The following ZMIZ1 variants were observed in gnomAD, a reference collection of about 807,000 sequenced individuals.
ZMIZ1 encodes the protein zinc finger MIZ domain-containing protein 1.
A neutral mutation model predicts 113.9 loss-of-function variants in ZMIZ1; 17 were observed. That is an observed-to-expected ratio of 0.15 (90% CI 0.10 to 0.22). ZMIZ1 has a LOEUF of 0.22. ZMIZ1 is among the 10% of genes least tolerant of loss of function. ZMIZ1 has a pLI of 1.00. For synonymous variants in ZMIZ1, 607 were observed against 603.1 expected (o/e 1.01, Z -0.09); for missense variants, 1,059 against 1,477.8 (o/e 0.72, Z 4.65).
Position 79,313,566 on chromosome 10 carries a change from C to A in ZMIZ1, c.*817C>A. ...GGAACAGAGAGAGCAGGTGTACACC[C>A]AACCAAAGTGATTGTGCCCTTGGTT... On this transcript the variant is annotated 3_prime_UTR_variant, in exon 25 of 25. Coordinates refer to ENST00000334512, the MANE Select transcript of ZMIZ1 (RefSeq NM_020338.4). 1 of 204,700 alleles carries A rather than the reference C, an allele frequency of 4.9e-6. No homozygotes were observed. Among genetic ancestry groups the A allele is most frequent in the South Asian group, 8.4e-5 (1 of 11,878 alleles). The allele number at this position is 204,700 out of a possible 1,614,324, so 12.7% of individuals were successfully genotyped here. A position where few individuals can be genotyped will look rare whatever the true frequency, so the allele number is the denominator to read the frequency against.
At chr10:79,227,092 A>C (rs531317385) in intron 7 of ZMIZ1, among the ~76,000 whole-genome samples, 18 of 152,254 alleles carry the variant, frequency 1.2e-4, no homozygotes, top group Non-Finnish European at 1.2e-4. Context: ...AAAAAGAGCC[A>C]AAATTGTGAT....
rs916144621 is a variant in ZMIZ1, at chr10:79,314,200, C to A, written c.*1451C>A. 4.4e-6 allele frequency: 2 copies of A among 457,006 alleles called. No individual in the cohort carries two copies. Among genetic ancestry groups the A allele is most frequent in the African/African-American group, 4.0e-5 (2 of 50,098 alleles). The allele number at this position is 457,006 out of a possible 1,614,324, so 28.3% of individuals were successfully genotyped here. A position where few individuals can be genotyped will look rare whatever the true frequency, so the allele number is the denominator to read the frequency against. ...CTCCAGGGCCTCCTGGGGAGCCTGT[C>A]CTGTGTTCACTTTGTTTCAGGCTGG... On this transcript the variant is annotated 3_prime_UTR_variant, in exon 25 of 25. Coordinates refer to ENST00000334512, the MANE Select transcript of ZMIZ1 (RefSeq NM_020338.4).
At position 79,127,458 on chromosome 10, in the gene ZMIZ1, A is replaced by T. The variant is rs558984905; in HGVS notation, c.-227+8434A>T. Among the ~76,000 whole-genome samples, 327 of 151,578 alleles carry T rather than the reference A, an allele frequency of 2.2e-3. 3 individuals carry two copies. The highest frequency in any genetic ancestry group is 7.6e-3 in the African/African-American group (314 of 41,356). On this transcript the variant is annotated intron_variant, in intron 2 of 24. Coordinates refer to ENST00000334512, the MANE Select transcript of ZMIZ1 (RefSeq NM_020338.4). ...GCCCAGGTTCCTGCTCGGGAAGCCC[A>T]TTCTTTTCTGGAATAATAAAGCAGC...
At chr10:79,264,910 C>A (rs979986190) in intron 7 of ZMIZ1, among the ~76,000 whole-genome samples, 1 of 152,146 alleles carries the variant, frequency 6.6e-6, no homozygotes, top group Non-Finnish European at 1.5e-5. Context: ...CTTTGATGGC[C>A]CCTGAGTTAG....
chr10:79,111,189 G>A (rs1481664176), intron 1 of ZMIZ1, among the ~76,000 whole-genome samples: 1 of 152,168 alleles, frequency 6.6e-6, no homozygotes, highest in African/African-American at 2.4e-5. Context: ...ATCCTAGCAG[G>A]GGCTTTACTG....
At chr10:79,124,114 G>C (rs1426816849) in intron 2 of ZMIZ1, among the ~76,000 whole-genome samples, 1 of 152,220 alleles carries the variant, frequency 6.6e-6, no homozygotes, top group Non-Finnish European at 1.5e-5. Context: ...AGGTCAGGAG[G>C]GTGGGACTGC....
At chr10:79,096,933 G>A (rs953567650) in intron 1 of ZMIZ1, among the ~76,000 whole-genome samples, 3 of 152,224 alleles carry the variant, frequency 2.0e-5, no homozygotes, top group Non-Finnish European at 4.4e-5. Flanking sequence ...AGGCCTTTCT[G>A]AGGAGGGCCG....
chr10:79,122,158 C>T (rs1345030101), intron 2 of ZMIZ1, among the ~76,000 whole-genome samples: 1 of 152,056 alleles, frequency 6.6e-6, no homozygotes, highest in Non-Finnish European at 1.5e-5. Flanking sequence ...CACGTGCAGG[C>T]GCCACCAGTT....
At chr10:79,280,483 C>T (rs139676920) in intron 8 of ZMIZ1, among the ~76,000 whole-genome samples, 28 of 152,078 alleles carry the variant, frequency 1.8e-4, no homozygotes, top group African/African-American at 6.8e-4. Context: ...CTATGTTGCC[C>T]AGGCTGGTTT....
At chr10:79,099,008 T>C (rs1315428851) in intron 1 of ZMIZ1, among the ~76,000 whole-genome samples, 1 of 152,130 alleles carries the variant, frequency 6.6e-6, no homozygotes, top group Non-Finnish European at 1.5e-5. Context: ...ATGGGAACCA[T>C]GTTGGCGGCA....
chr10:79,266,675 G>A (rs770357864), intron 7 of ZMIZ1, among the ~76,000 whole-genome samples: 2 of 152,168 alleles, frequency 1.3e-5, no homozygotes, highest in Non-Finnish European at 2.9e-5. Context: ...CCCCCGGTCC[G>A]AGGACTGTGA....
At position 79,122,162 on chromosome 10, in the gene ZMIZ1, A is replaced by G. The variant is rs115863431; in HGVS notation, c.-227+3138A>G. Among the ~76,000 whole-genome samples, 1,483 of 152,164 alleles carry G rather than the reference A, an allele frequency of 9.7e-3. 16 individuals carry two copies. The highest frequency in any genetic ancestry group is 0.034 in the African/African-American group (1,394 of 41,490). ...AGAACTGAGTTCACGTGCAGGCGCC[A>G]CCAGTTACTTACCAGGCCCACGACC... On this transcript the variant is annotated intron_variant, in intron 2 of 24. Transcript: ENST00000334512.
At chr10:79,111,160 T>G (rs1843723252) in intron 1 of ZMIZ1, among the ~76,000 whole-genome samples, 1 of 152,052 alleles carries the variant, frequency 6.6e-6, no homozygotes, top group Non-Finnish European at 1.5e-5. Context: ...TAGGGTCCAG[T>G]AGAGGATGCA....
At chr10:79,157,483 G>C (rs1185118561) in intron 3 of ZMIZ1, among the ~76,000 whole-genome samples, 1 of 152,046 alleles carries the variant, frequency 6.6e-6, no homozygotes, top group Non-Finnish European at 1.5e-5. Context: ...GAACCCTGGG[G>C]CAGTGTGACC....
intron 23 of ZMIZ1, among the ~76,000 whole-genome samples, chr10:79,310,159 C>A (rs1426400327): frequency 6.6e-6 from 1 of 152,204 alleles, no homozygotes; most frequent in Non-Finnish European, 1.5e-5. Flanking sequence ...CACTCAGTCT[C>A]CTTGTCCTTG....
chr10:79,314,431 C>T lies in ZMIZ1; in HGVS notation c.*1682C>T, dbSNP rs1174777913. ...GTTGACTTCCAGTCACTGTCCCAGA[C>T]GGCACAAGGTTTTCTGTAGGAAAGC... On this transcript the variant is annotated 3_prime_UTR_variant, in exon 25 of 25. Coordinates refer to ENST00000334512, the MANE Select transcript of ZMIZ1 (RefSeq NM_020338.4). 2.8e-5 allele frequency: 10 copies of T among 356,778 alleles called. No individual in the cohort carries two copies. Among genetic ancestry groups the T allele is most frequent in the East Asian group, 7.3e-5 (1 of 13,630 alleles). The allele number at this position is 356,778 out of a possible 1,614,324, so 22.1% of individuals were successfully genotyped here. A position where few individuals can be genotyped will look rare whatever the true frequency, so the allele number is the denominator to read the frequency against.
chr10:79,112,928 G>A (rs770233393), intron 1 of ZMIZ1, among the ~76,000 whole-genome samples: 4 of 152,230 alleles, frequency 2.6e-5, no homozygotes, highest in Non-Finnish European at 5.9e-5. Flanking sequence ...TGGCGAGGGT[G>A]CTATCAACAC....
At chr10:79,136,012 CAAAG>C (rs777705948) in intron 2 of ZMIZ1, among the ~76,000 whole-genome samples, 9 of 151,980 alleles carry the variant, frequency 5.9e-5, no homozygotes, top group Non-Finnish European at 1.2e-4. Context: ...AGATGGAAAA[CAAAG>C]AGAGAAAACA....
chr10:79,120,673 A>G (rs982580239), intron 2 of ZMIZ1, among the ~76,000 whole-genome samples: 3 of 152,148 alleles, frequency 2.0e-5, no homozygotes, highest in Non-Finnish European at 2.9e-5. Context: ...TGCTGTGTAG[A>G]TTGCCGAGAG....
Sources: gnomAD v4.1 joint callset for allele counts (sites outside exome capture counted in the v4.1 genomes callset) on GRCh38, gnomAD v4.1.1 for gene constraint, MANE v1.5 for transcripts, NCBI Gene and HGNC (gene_info 2026-07-23, HGNC 2026-07-21) for gene names.